Variants in SLC12A6 observed in about 807,000 individuals in gnomAD.
SLC12A6 encodes the protein solute carrier family 12 member 6, also known as K-Cl cotransporter 3.
A neutral mutation model predicts 135.3 loss-of-function variants in SLC12A6; 66 were observed. That is an observed-to-expected ratio of 0.49 (90% CI 0.40 to 0.60). The LOEUF (loss-of-function observed/expected upper bound fraction) is 0.60. Ranked by LOEUF, SLC12A6 falls within the 20% of genes least tolerant of loss-of-function variation. SLC12A6 has a pLI of 0.00. For missense variants in SLC12A6, 1,058 were observed against 1,452.3 expected, an observed-to-expected ratio of 0.73 and a Z score of 4.41; for synonymous variants, 513 against 508.8, an observed-to-expected ratio of 1.01 and a Z score of -0.11.
rs550496220 is a variant in SLC12A6 at position 34,270,505 on chromosome 15, T to C, written c.316+4840A>G. Among the ~76,000 whole-genome samples the C allele has an allele frequency of 3.3e-5, 5 of 152,260 alleles. No homozygotes were observed. The East Asian group carries it at 9.7e-4, about 29-fold the overall frequency. On this transcript the variant is annotated intron_variant, in intron 3 of 25. Transcript: ENST00000354181. The stretch of plus-strand genomic sequence containing the variant: ...GAAATACCCAAGACTGGGTAATTTA[T>C]AAAGAAAAGAGGTTTGGCTGAGCAC...
At chr15:34,318,647 T>A in intron 2 of SLC12A6, 1 of 1,613,074 alleles carries the variant, frequency 6.2e-7, no homozygotes, top group Middle Eastern at 1.7e-4. Flanking sequence ...CTCCTCTGGG[T>A]CCTCTACCTT....
Position 34,264,667 on chromosome 15 carries a change from T to A in SLC12A6, c.317-3647A>T, listed in dbSNP as rs181181676. 5.5e-4 allele frequency among the ~76,000 whole-genome samples: 83 copies of A among 152,242 alleles called. 1 individual carries two copies. Among genetic ancestry groups the A allele is most frequent in the African/African-American group, 1.5e-3 (62 of 41,546 alleles). ...AGAGAAAATATATCACTCTTTTTTT[T>A]AAAAAGGGCAAGTAAAATCATATGA... On this transcript the variant is annotated intron_variant, in intron 3 of 25. Transcript: ENST00000354181.
chr15:34,304,149 T>G (rs1268962447), intron 2 of SLC12A6, among the ~76,000 whole-genome samples: 5 of 152,220 alleles, frequency 3.3e-5, no homozygotes, highest in Non-Finnish European at 5.9e-5. Context: ...TCTGGACATT[T>G]CCTACGAATG....
At chr15:34,255,502 G>A in intron 7 of SLC12A6, 110 bp from the exon 8 acceptor site, 1 of 810,824 alleles carries the variant, frequency 1.2e-6, no homozygotes, top group Non-Finnish European at 2.1e-6. Context: ...AATGTTTCAG[G>A]CTTCTGCAAA....
rs548759993 is a variant in SLC12A6 at position 34,256,302 on chromosome 15, G to C, written c.691-19C>G. The C allele has an allele frequency of 1.9e-6, 3 of 1,562,848 alleles. No individual in the cohort carries two copies. The highest frequency in any genetic ancestry group is 2.6e-6 in the Non-Finnish European group (3 of 1,133,256). ...ACATTGTCTGCAGAGAAAAGGAAAGGAGAGGATTGTTACTGTGTAAAGATG... is the reference window on the plus strand; with the variant it reads ...ACATTGTCTGCAGAGAAAAGGAAAGCAGAGGATTGTTACTGTGTAAAGATG... On this transcript the variant is annotated intron_variant, in intron 6 of 25. Transcript: ENST00000354181.
intron 18 of SLC12A6, 66 bp from the exon 19 acceptor site, chr15:34,240,895 C>CAT: frequency 8.4e-7 from 1 of 1,196,514 alleles, no homozygotes; most frequent in Non-Finnish European, 1.2e-6. Flanking sequence ...AACAGAATGA[C>CAT]AGACTCCACC....
At chr15:34,312,579 T>A (rs745688621) in intron 2 of SLC12A6, among the ~76,000 whole-genome samples, 2 of 152,176 alleles carry the variant, frequency 1.3e-5, no homozygotes, top group Admixed American at 1.3e-4. Context: ...AAGAAAACAG[T>A]CAAGAAAGAC....
At chr15:34,328,966 T>G (rs1005884756) in intron 2 of SLC12A6, among the ~76,000 whole-genome samples, 1 of 152,224 alleles carries the variant, frequency 6.6e-6, no homozygotes, top group Non-Finnish European at 1.5e-5. Flanking sequence ...TAGCTTCTTG[T>G]TTTTCCACAT....
chr15:34,297,807 G>C (rs1895973901), intron 2 of SLC12A6, among the ~76,000 whole-genome samples: 1 of 152,192 alleles, frequency 6.6e-6, no homozygotes, highest in Admixed American at 6.5e-5. Context: ...GAGTCTAAAG[G>C]AGATGGAAAA....
Position 34,235,184 on chromosome 15 carries a change from T to C in SLC12A6, c.3358A>G (p.Asn1120Asp), listed in dbSNP as rs1459087252. 6.2e-7 allele frequency: 1 copy of C among 1,613,856 alleles called. No individual in the cohort carries two copies. The highest frequency in any genetic ancestry group is 1.3e-5 in the African/African-American group (1 of 74,906). Residue 1120 changes from asparagine to aspartate, a missense_variant, in exon 25 of 26, where the codon AAC becomes GAC. Transcript: ENST00000354181. ...GCCCCACTCTTGGAAAGGATACAGTTTTCATCACCCTCAGGGTTTCGGGGT... is the reference window on the plus strand; with the variant it reads ...GCCCCACTCTTGGAAAGGATACAGTCTTCATCACCCTCAGGGTTTCGGGGT... Reference protein sequence around the residue: ...GPPRNPEGDENYMEFLEVLTE... With the variant: ...GPPRNPEGDEDYMEFLEVLTE...
intron 7 of SLC12A6, among the ~76,000 whole-genome samples, chr15:34,255,702 G>A (rs1268382447): frequency 1.3e-5 from 2 of 152,132 alleles, no homozygotes; most frequent in Admixed American, 6.5e-5. Flanking sequence ...TGGGTGTGGA[G>A]GTTCACGCCT....
At chr15:34,310,174 AGTGT>A (rs60783164) in intron 2 of SLC12A6, among the ~76,000 whole-genome samples, 2,201 of 127,632 alleles carry the variant, frequency 0.017, 36 homozygotes, top group Non-Finnish European at 0.021. Flanking sequence ...ACGCCCAGCT[AGTGT>A]GTGTGTGTGT....
intron 3 of SLC12A6, among the ~76,000 whole-genome samples, chr15:34,271,970 T>A (rs8036094): frequency 0.027 from 4,153 of 152,154 alleles, 191 homozygotes; most frequent in African/African-American, 0.095. Context: ...TTTTTCTTTT[T>A]CTTTTTTTGT....
At chr15:34,259,878 G>C (rs1006151229) in intron 4 of SLC12A6, among the ~76,000 whole-genome samples, 5 of 152,250 alleles carry the variant, frequency 3.3e-5, no homozygotes, top group South Asian at 2.1e-4. Context: ...CTTACATGTG[G>C]GATCTAAAAA....
chr15:34,233,448 G>GTTGT lies in SLC12A6; in HGVS notation c.*432_*433insACAA, dbSNP rs909964316. ...AATATACTTGACCATAAATTCTTTA[G>GTTGT]TAAGATGAAGCTGTCTCTAGTTGTT... On this transcript the variant is annotated 3_prime_UTR_variant, in exon 26 of 26. Transcript: ENST00000354181. 139 of 178,110 alleles carry GTTGT rather than the reference G, an allele frequency of 7.8e-4. No homozygotes were observed. Among genetic ancestry groups the GTTGT allele is most frequent in the African/African-American group, 3.1e-3 (131 of 42,416 alleles). 11.0% of individuals were successfully genotyped at this position (178,110 alleles called of 1,614,324 possible).
Position 34,255,325 on chromosome 15 carries a change from G to A in SLC12A6, c.813C>T (p.Cys271=). The A allele has an allele frequency of 1.2e-6, 2 of 1,610,094 alleles. No homozygotes were observed. Among genetic ancestry groups the A allele is most frequent in the East Asian group, 2.2e-5 (1 of 44,868 alleles). Residue 271 remains cysteine (C), a synonymous_variant, in exon 8 of 26, where the codon TGC becomes TGT. Coordinates refer to ENST00000354181, the MANE Select transcript of SLC12A6 (RefSeq NM_001365088.1). ...GPEFGGAVGL[C]FYLGTTFAAA... is the part of the protein sequence containing the mutation. Reference sequence around the variant, plus strand: ...CTGCAAATGTGGTACCAAGATAAAAGCAGAGGCCAACAGCCCCACCAAACT... The same window carrying A: ...CTGCAAATGTGGTACCAAGATAAAAACAGAGGCCAACAGCCCCACCAAACT...
At chr15:34,235,968 C>T in intron 24 of SLC12A6, 47 bp downstream of exon 24, 1 of 1,427,414 alleles carries the variant, frequency 7.0e-7, no homozygotes, top group South Asian at 1.1e-5. Flanking sequence ...ACATTTGTGC[C>T]ACTGATTAGG....
At chr15:34,243,253 T>C (rs980736887) in intron 16 of SLC12A6, among the ~76,000 whole-genome samples, 2 of 152,140 alleles carry the variant, frequency 1.3e-5, no homozygotes, top group Non-Finnish European at 2.9e-5. Flanking sequence ...TAAAAATCAG[T>C]TGAAGATTTT....
At chr15:34,310,998 TAAAATTTAAACCTCATTTAA>T (rs2141073657) in intron 2 of SLC12A6, among the ~76,000 whole-genome samples, 1 of 152,258 alleles carries the variant, frequency 6.6e-6, no homozygotes, top group African/African-American at 2.4e-5. Flanking sequence ...GGATTCTCAA[TAAAATTTAAACCTCATTTAA>T]TAGAAATTTG....
Sources: gnomAD v4.1 joint callset for allele counts (sites outside exome capture counted in the v4.1 genomes callset) on GRCh38, gnomAD v4.1.1 for gene constraint, MANE v1.5 for transcripts, NCBI Gene and HGNC (gene_info 2026-07-23, HGNC 2026-07-21) for gene names.